Variants in LTBP1 observed in about 807,000 individuals in gnomAD.
LTBP1 encodes the protein latent transforming growth factor beta binding protein 1.
Under a neutral mutation model 207.6 loss-of-function variants are expected in LTBP1, and 129 were observed. The ratio of observed to expected loss-of-function variants is 0.62; its 90% CI spans 0.54 to 0.72. LTBP1 has a LOEUF of 0.72. Ranked by LOEUF, LTBP1 falls within the 30% of genes least tolerant of loss-of-function variation. LTBP1 has a pLI of 0.00. For synonymous variants in LTBP1, 963 were observed against 833.7 expected, an observed-to-expected ratio of 1.16 and a Z score of -2.67; for missense variants, 2,281 against 2,217.2, an observed-to-expected ratio of 1.03 and a Z score of -0.58.
chr2:33,168,878 A>G (rs2085168915), intron 5 of LTBP1, among the ~76,000 whole-genome samples: 1 of 152,186 alleles, frequency 6.6e-6, no homozygotes, highest in South Asian at 2.1e-4. Context: ...AGTCTCGCCT[A>G]CCTATATGCT....
At chr2:32,959,542 T>C (rs114036985) in intron 2 of LTBP1, among the ~76,000 whole-genome samples, 2,280 of 121,552 alleles carry the variant, frequency 0.019, 24 homozygotes, top group African/African-American at 0.033. Context: ...ATTATTGCTG[T>C]ATATATATGT....
intron 26 of LTBP1, among the ~76,000 whole-genome samples, chr2:33,357,233 C>T (rs1003782458): frequency 6.6e-6 from 1 of 152,152 alleles, no homozygotes; most frequent in Non-Finnish European, 1.5e-5. Flanking sequence ...AAGGAGCTCC[C>T]AGACAGGGCT....
chr2:33,220,868 A>G (rs1401110792), intron 8 of LTBP1, among the ~76,000 whole-genome samples: 3 of 152,174 alleles, frequency 2.0e-5, no homozygotes, highest in Non-Finnish European at 4.4e-5. Context: ...ATTCGGGGGA[A>G]TCTGAAGAGA....
intron 5 of LTBP1, among the ~76,000 whole-genome samples, chr2:33,142,839 G>A (rs1215079779): frequency 1.3e-5 from 2 of 152,202 alleles, no homozygotes; most frequent in African/African-American, 4.8e-5. Context: ...AAAGGGTTGT[G>A]CTAGGCCAGC....
rs944689804 is a variant in LTBP1, at chr2:33,134,315, C to A, written c.1034-478C>A. ...GCATGCCTAAAACATTTCCAGGGGT[C>A]GGGCTGCAAATAGTGACTTAATAAG... On this transcript the variant is annotated intron_variant, in intron 4 of 33. Transcript: ENST00000404816. The surrounding 1 kb of genome is among the most constrained non-coding windows in gnomAD (Gnocchi z 4.4). 4 of 411,222 alleles carry A rather than the reference C, an allele frequency of 9.7e-6. No homozygotes were observed. The highest frequency in any genetic ancestry group is 2.0e-5 in the Non-Finnish European group (4 of 203,736). The allele number at this position is 411,222 out of a possible 1,614,324, so 25.5% of individuals were successfully genotyped here.
intron 5 of LTBP1, among the ~76,000 whole-genome samples, chr2:33,158,694 A>G (rs956543931): frequency 1.3e-5 from 2 of 152,224 alleles, no homozygotes; most frequent in East Asian, 1.9e-4. Context: ...CCAGTGATTC[A>G]TATGTATTAC....
chr2:33,316,730 T>C (rs1374470602), intron 24 of LTBP1, among the ~76,000 whole-genome samples: 1 of 152,210 alleles, frequency 6.6e-6, no homozygotes, highest in African/African-American at 2.4e-5. Flanking sequence ...CCAGAGCTTT[T>C]AGCAAAGACA....
chr2:33,216,265 G>A (rs1342349334), intron 7 of LTBP1, among the ~76,000 whole-genome samples: 1 of 152,186 alleles, frequency 6.6e-6, no homozygotes, highest in Non-Finnish European at 1.5e-5. Flanking sequence ...GGAGATAGGG[G>A]AGGTTTCATA....
intron 23 of LTBP1, among the ~76,000 whole-genome samples, chr2:33,310,065 A>G (rs899751369): frequency 2.6e-5 from 4 of 151,150 alleles, no homozygotes; most frequent in Non-Finnish European, 5.9e-5. Flanking sequence ...CTCCTGCCTC[A>G]GCTTCCTGAG....
intron 23 of LTBP1, among the ~76,000 whole-genome samples, chr2:33,310,979 T>TA (rs2094177595): frequency 2.0e-5 from 3 of 151,994 alleles, no homozygotes; most frequent in South Asian, 4.2e-4. Flanking sequence ...CATAAATAAA[T>TA]AAAAAAAATT....
At chr2:33,326,933 G>A (rs185664041) in intron 24 of LTBP1, among the ~76,000 whole-genome samples, 1 of 152,244 alleles carries the variant, frequency 6.6e-6, no homozygotes, top group African/African-American at 2.4e-5. Context: ...ACAGACATGA[G>A]CCATTGCACC....
chr2:33,043,786 G>C (rs2076309675), intron 3 of LTBP1, among the ~76,000 whole-genome samples: 1 of 152,174 alleles, frequency 6.6e-6, no homozygotes, highest in Non-Finnish European at 1.5e-5. Context: ...TTTATCTGGT[G>C]GTGGAGGACC....
chr2:33,156,803 ATAT>A (rs1372586583), intron 5 of LTBP1, among the ~76,000 whole-genome samples: 1 of 152,202 alleles, frequency 6.6e-6, no homozygotes, highest in Non-Finnish European at 1.5e-5. Flanking sequence ...TAAACATCAA[ATAT>A]TATAAATTGA....
chr2:33,332,356 A>G (rs1193200880), intron 24 of LTBP1, among the ~76,000 whole-genome samples: 4 of 121,448 alleles, frequency 3.3e-5, no homozygotes, highest in Non-Finnish European at 6.6e-5. Flanking sequence ...TGGTTGATGT[A>G]GTGAGACACC....
chr2:33,201,646 A>T (rs1372755029), intron 7 of LTBP1, among the ~76,000 whole-genome samples: 1 of 151,488 alleles, frequency 6.6e-6, no homozygotes, highest in Admixed American at 6.6e-5. Flanking sequence ...AAAAAAAAGA[A>T]GAAGAAAAAA....
At chr2:33,260,842 T>C (rs939574288) in intron 13 of LTBP1, among the ~76,000 whole-genome samples, 1 of 152,204 alleles carries the variant, frequency 6.6e-6, no homozygotes, top group Non-Finnish European at 1.5e-5. Context: ...TCATCACGAC[T>C]CAGTTCTTCT....
At chr2:33,233,248 G>A (rs914147601) in intron 9 of LTBP1, among the ~76,000 whole-genome samples, 1 of 151,954 alleles carries the variant, frequency 6.6e-6, no homozygotes, top group African/African-American at 2.4e-5. Context: ...CATTTTGAAT[G>A]GTTATCTCAG....
At chr2:33,147,619 C>T (rs1374420086) in intron 5 of LTBP1, among the ~76,000 whole-genome samples, 1 of 152,208 alleles carries the variant, frequency 6.6e-6, no homozygotes, top group African/African-American at 2.4e-5. Context: ...TTTCAAATCT[C>T]CTACCTCAGG....
At chr2:33,188,447 A>AAAATAATT in intron 6 of LTBP1, 130 bp from the exon 7 acceptor site, 2 of 668,156 alleles carry the variant, frequency 3.0e-6, no homozygotes, top group African/African-American at 1.8e-5. Context: ...AAAAAAAAGA[A>AAAATAATT]TTTTGATGGC....
Sources: allele counts gnomAD v4.1 joint callset (sites outside exome capture counted in the v4.1 genomes callset), GRCh38; gene constraint gnomAD v4.1.1; non-coding constraint Gnocchi (gnomAD v3.1); transcripts MANE v1.5; gene names NCBI Gene and HGNC (gene_info 2026-07-23, HGNC 2026-07-21).